The following GRIK2 variants were observed in gnomAD, a reference collection of about 807,000 sequenced individuals.
GRIK2 encodes the protein glutamate receptor ionotropic, kainate 2.
GRIK2 carries 32 observed loss-of-function variants against 100.3 expected under a neutral mutation model. The observed-to-expected ratio is 0.32, with a 90% confidence interval of 0.24 to 0.43. The LOEUF (loss-of-function observed/expected upper bound fraction) is 0.43, where lower values mean the gene tolerates loss of function less well. GRIK2 is among the 20% of genes least tolerant of loss of function. The pLI is 1.00. For synonymous variants in GRIK2, 417 were observed against 389.4 expected (o/e 1.07, Z -0.83); for missense variants, 843 against 1,114.9 (o/e 0.76, Z 3.47).
chr6:101,806,950 A>T (rs1222491949), intron 9 of GRIK2, among the ~76,000 whole-genome samples: 1 of 151,784 alleles, frequency 6.6e-6, no homozygotes, highest in African/African-American at 2.4e-5. Flanking sequence ...TGGAAAATAT[A>T]TGCTCCCTTT....
rs566797872 is a variant in GRIK2 at position 102,067,411 on chromosome 6, T to C, written c.2563-936T>C. On this transcript the variant is annotated intron_variant, in intron 16 of 16. Coordinates refer to ENST00000369134, the MANE Select transcript of GRIK2 (RefSeq NM_021956.5). The stretch of plus-strand genomic sequence containing the variant: ...ACACATATGGTCTTAAATATTTTCA[T>C]CATGTTGTCTTAGAAATAGTCTAAG... 4.0e-5 allele frequency among the ~76,000 whole-genome samples: 6 copies of C among 151,850 alleles called. No individual in the cohort carries two copies. The East Asian group carries it at 1.2e-3, about 29-fold the overall frequency.
chr6:101,930,366 A>G (rs1414024471), intron 14 of GRIK2, among the ~76,000 whole-genome samples: 3 of 152,026 alleles, frequency 2.0e-5, no homozygotes, highest in South Asian at 4.1e-4. Context: ...AAAATAAAAT[A>G]AAATAAATAA....
intron 2 of GRIK2, among the ~76,000 whole-genome samples, chr6:101,429,008 A>G (rs920254118): frequency 1.3e-5 from 2 of 152,256 alleles, no homozygotes; most frequent in African/African-American, 2.4e-5. Flanking sequence ...TTAATTAACT[A>G]CAACTTTAAA....
intron 14 of GRIK2, among the ~76,000 whole-genome samples, chr6:101,952,296 G>A (rs1448629883): frequency 6.6e-6 from 1 of 152,116 alleles, no homozygotes; most frequent in Non-Finnish European, 1.5e-5. Flanking sequence ...CAATGGTATG[G>A]TTTTACCACA....
At chr6:101,882,673 C>G (rs541378981) in intron 11 of GRIK2, among the ~76,000 whole-genome samples, 1 of 151,954 alleles carries the variant, frequency 6.6e-6, no homozygotes, top group South Asian at 2.1e-4. Flanking sequence ...TGTGTGGTAA[C>G]TACTTGGTTT....
chr6:101,645,995 T>C (rs1781510343), intron 4 of GRIK2, among the ~76,000 whole-genome samples: 1 of 151,920 alleles, frequency 6.6e-6, no homozygotes, highest in Non-Finnish European at 1.5e-5. Flanking sequence ...TGGACAACAT[T>C]TTATATTTCT....
At chr6:101,749,551 C>T (rs139703962) in intron 7 of GRIK2, among the ~76,000 whole-genome samples, 8 of 152,168 alleles carry the variant, frequency 5.3e-5, no homozygotes, top group South Asian at 2.1e-4. Flanking sequence ...CTGACATGTG[C>T]GTTTCCTTCC....
At chr6:102,004,547 A>G (rs1795113285) in intron 14 of GRIK2, among the ~76,000 whole-genome samples, 1 of 151,912 alleles carries the variant, frequency 6.6e-6, no homozygotes, top group African/African-American at 2.4e-5. Context: ...TAATTCTAAG[A>G]TTTATGTTTC....
chr6:101,587,841 A>G (rs1778452678), intron 2 of GRIK2, among the ~76,000 whole-genome samples: 2 of 152,124 alleles, frequency 1.3e-5, no homozygotes, highest in South Asian at 4.1e-4. Context: ...AGAGGTTTCT[A>G]TGCACAGACA....
chr6:101,504,357 T>C (rs573124962), intron 2 of GRIK2, among the ~76,000 whole-genome samples: 1 of 152,172 alleles, frequency 6.6e-6, no homozygotes, highest in African/African-American at 2.4e-5. Context: ...TATATGACTA[T>C]AGCAAAATTT....
intron 2 of GRIK2, among the ~76,000 whole-genome samples, chr6:101,556,321 A>ATTTTTTTTTTTGTTTTTTTTTT (rs1776737165): frequency 1.7e-5 from 1 of 59,396 alleles, no homozygotes; most frequent in African/African-American, 5.6e-5. Flanking sequence ...TATATTGGTA[A>ATTTTTTTTTTTGTTTTTTTTTT]TTTTTTTTTT....
intron 10 of GRIK2, among the ~76,000 whole-genome samples, chr6:101,823,871 T>TTG (rs199771823): frequency 7.1e-4 from 107 of 151,074 alleles, no homozygotes; most frequent in South Asian, 5.2e-3. Flanking sequence ...TGTTTTTTTT[T>TTG]TTTTGTTTTT....
At chr6:101,478,638 C>G (rs892037219) in intron 2 of GRIK2, among the ~76,000 whole-genome samples, 1 of 151,394 alleles carries the variant, frequency 6.6e-6, no homozygotes, top group African/African-American at 2.4e-5. Flanking sequence ...CTCAGCCTCC[C>G]GAGTAGCTGG....
chr6:101,835,030 A>G (rs1250203719), intron 10 of GRIK2, among the ~76,000 whole-genome samples: 2 of 150,408 alleles, frequency 1.3e-5, no homozygotes, highest in East Asian at 4.0e-4. Context: ...ACATACATAC[A>G]TAAAGTCAAC....
chr6:101,402,718 A>T lies in GRIK2; in HGVS notation c.115+3326A>T, dbSNP rs942796154. 2.6e-5 allele frequency among the ~76,000 whole-genome samples: 4 copies of T among 152,116 alleles called. No individual in the cohort carries two copies. The South Asian group carries it at 8.3e-4, about 32-fold the overall frequency. ...GTTCTCCTGCCCTAGGTCGAGCCAG[A>T]TGTTCTCTGGCCGGCTTTTCTGGGA... On this transcript the variant is annotated intron_variant, in intron 2 of 16. Coordinates refer to ENST00000369134, the MANE Select transcript of GRIK2 (RefSeq NM_021956.5).
chr6:101,515,043 C>T (rs1170967300), intron 2 of GRIK2, among the ~76,000 whole-genome samples: 2 of 152,012 alleles, frequency 1.3e-5, no homozygotes, highest in Non-Finnish European at 2.9e-5. Context: ...TTATCCTTTG[C>T]CTCCCTCCCA....
At chr6:101,421,913 A>G (rs1268907545) in intron 2 of GRIK2, among the ~76,000 whole-genome samples, 1 of 152,210 alleles carries the variant, frequency 6.6e-6, no homozygotes, top group Non-Finnish European at 1.5e-5. Context: ...GGAAAATTTC[A>G]TGGTGAGATT....
chr6:101,402,110 G>A (rs1317491205), intron 2 of GRIK2, among the ~76,000 whole-genome samples: 2 of 152,114 alleles, frequency 1.3e-5, no homozygotes, highest in East Asian at 3.9e-4. Flanking sequence ...CTCCTGCGAG[G>A]TGAGGGGCAG....
chr6:101,990,409 A>G (rs1794290655), intron 14 of GRIK2, among the ~76,000 whole-genome samples: 2 of 151,678 alleles, frequency 1.3e-5, no homozygotes. Context: ...CCTCTAGTCC[A>G]TGCCTCTATG....
Sources: allele counts gnomAD v4.1 joint callset (sites outside exome capture counted in the v4.1 genomes callset), GRCh38; gene constraint gnomAD v4.1.1; transcripts MANE v1.5; gene names NCBI Gene and HGNC (gene_info 2026-07-23, HGNC 2026-07-21).